The following ZNF433 variants were observed in gnomAD, a reference collection of about 807,000 sequenced individuals.
The protein encoded by ZNF433 is zinc finger protein 433.
A neutral mutation model predicts 10.6 loss-of-function variants in ZNF433; 12 were observed. The ratio of observed to expected loss-of-function variants is 1.13; its 90% CI spans 0.72 to 1.83. The LOEUF is 1.83. Ranked by LOEUF, ZNF433 falls within the 40% of genes most tolerant of loss-of-function variation. The probability of loss-of-function intolerance (pLI) is 0.00; values close to 1 mark genes in which losing one functional copy is unlikely to be tolerated. For missense variants in ZNF433, 737 were observed against 798.0 expected (o/e 0.92, Z 0.92); for synonymous variants, 272 against 271.3 (o/e 1.00, Z -0.02).
chr19:12,029,778 G>T (rs1201333520), intron 1 of ZNF433, among the ~76,000 whole-genome samples: 1 of 151,520 alleles, frequency 6.6e-6, no homozygotes, highest in African/African-American at 2.4e-5. Context: ...TCTCTGTCAT[G>T]TGAAAAAATA....
intron 1 of ZNF433, among the ~76,000 whole-genome samples, chr19:12,031,072 C>A (rs764028744): frequency 4.6e-4 from 69 of 151,378 alleles, no homozygotes; most frequent in Admixed American, 3.0e-3. Flanking sequence ...CTGAGGTGGG[C>A]AGATCACGAG....
In ZNF433 at chr19:12,034,646, G is replaced by T. The variant is rs918670922; in HGVS notation, c.3+891C>A. 6 of 319,976 alleles carry T rather than the reference G, an allele frequency of 1.9e-5. No homozygotes were observed. The Admixed American group carries it at 1.9e-4, about 10-fold the overall frequency. 19.8% of individuals were successfully genotyped at this position (319,976 alleles called of 1,614,324 possible). ...CTAAAGAAACAGGTCTTTTGTTTTG[G>T]GTGGGATGAAATCATATGACAGATA... is the stretch of plus-strand genomic sequence containing the variant. On this transcript the variant is annotated intron_variant, in intron 1 of 3. Coordinates refer to ENST00000550507, the MANE Select transcript of ZNF433 (RefSeq NM_001308348.2).
chr19:12,027,008 A>G (rs946625050), intron 1 of ZNF433: 4 of 451,670 alleles, frequency 8.9e-6, no homozygotes, highest in African/African-American at 8.0e-5. Context: ...TCTTAATAAG[A>G]TCAAAATTTG....
chr19:12,024,826 T>C (rs555909844), intron 1 of ZNF433: 6 of 152,290 alleles, frequency 3.9e-5, no homozygotes, highest in African/African-American at 1.4e-4. Context: ...GCTACTATGA[T>C]AGGAAATGGG....
intron 1 of ZNF433, chr19:12,024,318 TCTTTACTATCC>T (rs1185613542): frequency 6.6e-6 from 1 of 152,246 alleles, no homozygotes; most frequent in Non-Finnish European, 1.5e-5. Context: ...AAAGACTGTT[TCTTTACTATCC>T]CTTTAGCTGA....
chr19:12,016,450 C>T lies in ZNF433; in HGVS notation c.408G>A (p.Gln136=). ...TACAGTATTTACATTTATATGGTTT[C>T]TGTCCATATTCTTGATACTCATATG... The part of the protein sequence containing the change: ...HKAYEYQEYG[Q]KPYKCKYCKK... The change falls in exon 4 of 4, where the codon CAG becomes CAA. Residue 136 remains glutamine, a synonymous_variant. Transcript: ENST00000550507. 1 of 1,614,118 alleles carries T rather than the reference C, an allele frequency of 6.2e-7. No homozygotes were observed. The highest frequency in any genetic ancestry group is 2.2e-5 in the East Asian group (1 of 44,874).
chr19:12,030,905 G>T (rs144148108), intron 1 of ZNF433, among the ~76,000 whole-genome samples: 1 of 152,090 alleles, frequency 6.6e-6, no homozygotes, highest in Non-Finnish European at 1.5e-5. Flanking sequence ...GTGAAACCCC[G>T]TCTCTATGAA....
chr19:12,015,026 C>G lies in ZNF433; in HGVS notation c.1832G>C (p.Gly611Ala). 6.2e-7 allele frequency: 1 copy of G among 1,613,970 alleles called. No individual in the cohort carries two copies. Among genetic ancestry groups the G allele is most frequent in the South Asian group, 1.1e-5 (1 of 91,062 alleles). The part of the protein sequence containing the change: ...RLQMHGRTHT[G>A]EKPYKCKQCG... ...TTGCTTACATTTATACGGTTTCTCT[C>G]CAGTGTGAGTCCTTCCATGCATTTG... The change falls in exon 4 of 4, where the codon GGA becomes GCA. Residue 611 changes from glycine (G) to alanine (A), a missense_variant. Transcript: ENST00000550507.
At chr19:12,030,285 A>G in intron 1 of ZNF433, 1 of 346,208 alleles carries the variant, frequency 2.9e-6, no homozygotes, top group Non-Finnish European at 5.6e-6. Context: ...CAGTGGCATG[A>G]TCTCAGCTTA....
chr19:12,031,141 C>A (rs1389593531), intron 1 of ZNF433, among the ~76,000 whole-genome samples: 1 of 151,812 alleles, frequency 6.6e-6, no homozygotes, highest in Non-Finnish European at 1.5e-5. Flanking sequence ...ACTAAAAATA[C>A]AAAAATTAGC....
chr19:12,018,494 C>G (rs139542043), intron 1 of ZNF433: 30 of 479,542 alleles, frequency 6.3e-5, no homozygotes, highest in Non-Finnish European at 9.0e-5. Context: ...GGTAAAGCAA[C>G]AGTAGAATAG....
chr19:12,035,002 C>T (rs1975213486), intron 1 of ZNF433: 1 of 392,022 alleles, frequency 2.6e-6, no homozygotes, highest in African/African-American at 2.1e-5. Context: ...TTATTTTACA[C>T]AGCTTGGCAT....
rs528475989 is a variant in ZNF433, at chr19:12,016,378, A to G, written c.480T>C (p.Ala160=). 1.5e-5 allele frequency: 24 copies of G among 1,614,198 alleles called. No individual in the cohort carries two copies. The African/African-American group carries it at 2.9e-4, about 20-fold the overall frequency. ...CLSSVQTHER[A]HSGRKLYVCE... is the part of the protein sequence containing the mutation. ...AAACATAGAGTTTCCTTCCACTATG[A>G]GCCCTTTCATGTGTCTGAACAGAGG... Residue 160 remains alanine, a synonymous_variant, in exon 4 of 4, where the codon GCT becomes GCC. Coordinates refer to ENST00000550507, the MANE Select transcript of ZNF433 (RefSeq NM_001308348.2).
Position 12,015,961 on chromosome 19 carries a change from T to C in ZNF433, c.897A>G (p.Arg299=), listed in dbSNP as rs1315586727. The C allele has an allele frequency of 6.2e-7, 1 of 1,613,948 alleles. No individual in the cohort carries two copies. Among genetic ancestry groups the C allele is most frequent in the African/African-American group, 1.3e-5 (1 of 74,930 alleles). The change falls in exon 4 of 4, where the codon AGA becomes AGG. Residue 299 remains arginine, a synonymous_variant. Coordinates refer to ENST00000550507, the MANE Select transcript of ZNF433 (RefSeq NM_001308348.2). ...SSSHSFQIHE[R]THTGEKPYEC... is the part of the protein sequence containing the mutation. ...CATATGGCTTCTCCCCCGTGTGAGT[T>C]CTTTCATGTATTTGAAAGGAATGGG... is the stretch of plus-strand genomic sequence containing the variant.
At position 12,020,925 on chromosome 19, in the gene ZNF433, A is replaced by G. The variant is rs541349468; in HGVS notation, c.4-2633T>C. On this transcript the variant is annotated intron_variant, in intron 1 of 3. Coordinates refer to ENST00000550507, the MANE Select transcript of ZNF433 (RefSeq NM_001308348.2). ...TCTCAAAAACAAAAATATAAAAAAA[A>G]AAAAACAGCACTAAGCTACAGGGGT... Among the ~76,000 whole-genome samples, 126 of 151,590 alleles carry G rather than the reference A, an allele frequency of 8.3e-4. 2 individuals carry two copies. The South Asian group carries it at 0.011, about 14-fold the overall frequency.
intron 1 of ZNF433, chr19:12,030,325 A>ATCC (rs1221660763): frequency 3.8e-6 from 1 of 264,582 alleles, no homozygotes; most frequent in Non-Finnish European, 7.4e-6. Flanking sequence ...GGTTGAAGTG[A>ATCC]TCCTCCTACC....
At chr19:12,020,398 T>C (rs1974427628) in intron 1 of ZNF433, among the ~76,000 whole-genome samples, 1 of 152,162 alleles carries the variant, frequency 6.6e-6, no homozygotes, top group Non-Finnish European at 1.5e-5. Flanking sequence ...TTTTACACAG[T>C]GTAGTTTCAG....
intron 1 of ZNF433, among the ~76,000 whole-genome samples, chr19:12,030,649 T>A (rs1461481573): frequency 3.3e-5 from 5 of 152,196 alleles, no homozygotes; most frequent in African/African-American, 4.8e-5. Context: ...GAGAAAATGA[T>A]ATTAACAGAG....
chr19:12,026,039 A>G (rs1599367799), intron 1 of ZNF433: 1 of 152,388 alleles, frequency 6.6e-6, no homozygotes, highest in East Asian at 1.9e-4. Flanking sequence ...GCCTGCCTAA[A>G]GGCCAGATGC....
Sources: gnomAD v4.1 joint callset for allele counts (sites outside exome capture counted in the v4.1 genomes callset) on GRCh38, gnomAD v4.1.1 for gene constraint, MANE v1.5 for transcripts, NCBI Gene and HGNC (gene_info 2026-07-23, HGNC 2026-07-21) for gene names.